The following UBE2QL1 variants were observed in gnomAD, a reference collection of about 807,000 sequenced individuals.
The protein encoded by UBE2QL1 is ubiquitin conjugating enzyme E2 QL1.
A neutral mutation model predicts 12.6 loss-of-function variants in UBE2QL1; 5 were observed. That is an observed-to-expected ratio of 0.40 (90% CI 0.21 to 0.83). The LOEUF (loss-of-function observed/expected upper bound fraction) is 0.83, where lower values mean the gene tolerates loss of function less well. Ranked by LOEUF, UBE2QL1 falls within the 40% of genes least tolerant of loss-of-function variation. UBE2QL1 has a pLI of 0.37. For missense variants in UBE2QL1, 99 were observed against 222.6 expected, an observed-to-expected ratio of 0.44 and a Z score of 3.53; for synonymous variants, 96 against 94.5, an observed-to-expected ratio of 1.02 and a Z score of -0.10.
chr5:6,455,304 A>G lies in UBE2QL1; in HGVS notation c.354+6057A>G, dbSNP rs116015852. 9.5e-3 allele frequency among the ~76,000 whole-genome samples: 1,443 copies of G among 152,222 alleles called. 18 individuals carry two copies. The highest frequency in any genetic ancestry group is 0.033 in the African/African-American group (1,372 of 41,520). On this transcript the variant is annotated intron_variant, in intron 1 of 1. Transcript: ENST00000399816. ...GTCAGGAAGAGACTCGTCCACACCC[A>G]GGTTTAGAAGGAAGGCAGCCTCACT...
At chr5:6,449,315 G>A (rs1242154795) in intron 1 of UBE2QL1, 68 bp downstream of exon 1, 6 of 1,287,368 alleles carry the variant, frequency 4.7e-6, no homozygotes, top group Non-Finnish European at 5.9e-6. Flanking sequence ...CCGGGCGCCC[G>A]GGCCCCGTGG....
chr5:6,471,257 C>T (rs1396011523), intron 1 of UBE2QL1, among the ~76,000 whole-genome samples: 1 of 152,234 alleles, frequency 6.6e-6, no homozygotes, highest in Non-Finnish European at 1.5e-5. Flanking sequence ...TATCCTAAAA[C>T]TCAGTGTCTT....
In UBE2QL1 at chr5:6,450,428, T is replaced by C. The variant is rs182525264; in HGVS notation, c.354+1181T>C. Among the ~76,000 whole-genome samples the C allele has an allele frequency of 1.4e-4, 22 of 152,332 alleles. 1 individual carries two copies. The Middle Eastern group carries it at 0.01, about 71-fold the overall frequency. The stretch of plus-strand genomic sequence containing the variant: ...TCGAATTATATGCTGTCGACTGCGG[T>C]TGAGTTCTCTGGTGTTTTCCTGAAT... On this transcript the variant is annotated intron_variant, in intron 1 of 1. Coordinates refer to ENST00000399816, the MANE Select transcript of UBE2QL1 (RefSeq NM_001145161.3).
At chr5:6,472,165 G>T (rs1429538969) in intron 1 of UBE2QL1, among the ~76,000 whole-genome samples, 5 of 152,184 alleles carry the variant, frequency 3.3e-5, no homozygotes, top group Admixed American at 3.3e-4. Context: ...CTGTGTGTGT[G>T]TCTGGCCCAT....
intron 1 of UBE2QL1, among the ~76,000 whole-genome samples, chr5:6,485,889 A>G (rs1365897497): frequency 1.3e-5 from 2 of 152,248 alleles, no homozygotes; most frequent in Non-Finnish European, 2.9e-5. Flanking sequence ...AGGCTAAGAA[A>G]TTAGCTATGT....
intron 1 of UBE2QL1, among the ~76,000 whole-genome samples, chr5:6,452,225 G>A (rs1370934995): frequency 6.6e-6 from 1 of 152,110 alleles, no homozygotes; most frequent in African/African-American, 2.4e-5. Context: ...AAAAAGCTTA[G>A]GTTTATCACA....
At chr5:6,482,377 C>G (rs894419796) in intron 1 of UBE2QL1, among the ~76,000 whole-genome samples, 4 of 152,202 alleles carry the variant, frequency 2.6e-5, no homozygotes, top group African/African-American at 7.2e-5. Context: ...CCTCCACCCC[C>G]CAGCAAGCTC....
chr5:6,486,556 C>G (rs1734471467), intron 1 of UBE2QL1, among the ~76,000 whole-genome samples: 1 of 152,196 alleles, frequency 6.6e-6, no homozygotes, highest in South Asian at 2.1e-4. Context: ...TCTCTCCTTT[C>G]TTTCTCTCTT....
rs1460647750 is a variant in UBE2QL1 at position 6,483,988 on chromosome 5, T to C, written c.355-7230T>C. Among the ~76,000 whole-genome samples the C allele has an allele frequency of 3.9e-5, 6 of 152,356 alleles. No individual in the cohort carries two copies. The East Asian group carries it at 9.7e-4, about 25-fold the overall frequency. On this transcript the variant is annotated intron_variant, in intron 1 of 1. Transcript: ENST00000399816. Reference sequence around the variant, plus strand: ...TGGGGCAAACAGTGCATTCTGAAAGTGTAACCGAAAGATCAGGTTTATGGC... The same window carrying C: ...TGGGGCAAACAGTGCATTCTGAAAGCGTAACCGAAAGATCAGGTTTATGGC...
chr5:6,490,850 G>A (rs1237285906), intron 1 of UBE2QL1, among the ~76,000 whole-genome samples: 1 of 152,176 alleles, frequency 6.6e-6, no homozygotes, highest in Non-Finnish European at 1.5e-5. Flanking sequence ...AGAATGCTTG[G>A]CTGTGAATTG....
intron 1 of UBE2QL1, among the ~76,000 whole-genome samples, chr5:6,474,388 GT>G (rs1734173721): frequency 1.3e-5 from 2 of 152,212 alleles, no homozygotes; most frequent in Admixed American, 6.5e-5. Context: ...AGCCAGCAGG[GT>G]GCTGATATTT....
chr5:6,474,660 C>T (rs1342339751), intron 1 of UBE2QL1, among the ~76,000 whole-genome samples: 2 of 152,204 alleles, frequency 1.3e-5, no homozygotes, highest in Admixed American at 6.5e-5. Context: ...CTAACTGTGG[C>T]ATGCGGGGGC....
intron 1 of UBE2QL1, among the ~76,000 whole-genome samples, chr5:6,468,892 G>C (rs770844184): frequency 6.6e-6 from 1 of 152,320 alleles, no homozygotes; most frequent in South Asian, 2.1e-4. Flanking sequence ...GTGCATTCTT[G>C]TTTTACTCAG....
intron 1 of UBE2QL1, among the ~76,000 whole-genome samples, chr5:6,480,047 G>A (rs543917361): frequency 6.6e-6 from 1 of 152,356 alleles, no homozygotes; most frequent in South Asian, 2.1e-4. Context: ...CAGTGCCAGG[G>A]GGCACAGCCA....
At chr5:6,480,683 T>C (rs1268280908) in intron 1 of UBE2QL1, among the ~76,000 whole-genome samples, 1 of 152,228 alleles carries the variant, frequency 6.6e-6, no homozygotes, top group Non-Finnish European at 1.5e-5. Context: ...TAGAGGCAAG[T>C]GCTGCTTCTG....
At chr5:6,473,383 C>T (rs1734135761) in intron 1 of UBE2QL1, among the ~76,000 whole-genome samples, 1 of 152,210 alleles carries the variant, frequency 6.6e-6, no homozygotes, top group Non-Finnish European at 1.5e-5. Context: ...CACACAGCCT[C>T]CAAATTCACA....
chr5:6,457,448 C>T (rs1490525258), intron 1 of UBE2QL1, among the ~76,000 whole-genome samples: 1 of 152,106 alleles, frequency 6.6e-6, no homozygotes, highest in Non-Finnish European at 1.5e-5. Context: ...ACTGTATTGC[C>T]CCTTCTCTTT....
intron 1 of UBE2QL1, among the ~76,000 whole-genome samples, chr5:6,468,833 G>A (rs1479805635): frequency 6.6e-6 from 1 of 152,210 alleles, no homozygotes; most frequent in African/African-American, 2.4e-5. Flanking sequence ...CACCAGACCA[G>A]TCACAAGGCG....
chr5:6,452,696 C>A (rs1739433163), intron 1 of UBE2QL1, among the ~76,000 whole-genome samples: 1 of 152,194 alleles, frequency 6.6e-6, no homozygotes, highest in South Asian at 2.1e-4. Flanking sequence ...GCTTAACCTA[C>A]AAAAACTGCA....
Sources: allele counts gnomAD v4.1 joint callset (sites outside exome capture counted in the v4.1 genomes callset), GRCh38; gene constraint gnomAD v4.1.1; transcripts MANE v1.5; gene names NCBI Gene and HGNC (gene_info 2026-07-23, HGNC 2026-07-21).